Variants in LIMK2 observed in about 807,000 individuals in gnomAD.
LIMK2 encodes LIM domain kinase 2.
Under a neutral mutation model 75.7 loss-of-function variants are expected in LIMK2, and 35 were observed. The observed-to-expected ratio is 0.46, with a 90% CI of 0.35 to 0.61. LIMK2 has a LOEUF of 0.61. Among genes scored for constraint, LIMK2 ranks in the 20% least tolerant of loss-of-function variants. The pLI, the probability that LIMK2 is intolerant of heterozygous loss-of-function variation, is 0.00. For missense variants in LIMK2, 623 were observed against 831.0 expected, an observed-to-expected ratio of 0.75 and a Z score of 3.08; for synonymous variants, 301 against 319.2, an observed-to-expected ratio of 0.94 and a Z score of 0.61.
intron 2 of LIMK2, among the ~76,000 whole-genome samples, chr22:31,227,915 C>T (rs2048492786): frequency 6.6e-6 from 1 of 152,104 alleles, no homozygotes; most frequent in East Asian, 1.9e-4. Context: ...AGGCCTGAAA[C>T]CAAAAAGACT....
intron 7 of LIMK2, 62 bp from the exon 8 acceptor site, chr22:31,265,884 A>G: frequency 6.9e-7 from 1 of 1,451,538 alleles, no homozygotes; most frequent in Admixed American, 1.7e-5. Flanking sequence ...TCCTCCCTCC[A>G]GGGTTTCTTG....
At chr22:31,268,070 C>A in intron 10 of LIMK2, 74 bp from the exon 11 acceptor site, 1 of 1,535,248 alleles carries the variant, frequency 6.5e-7, no homozygotes, top group Non-Finnish European at 9.0e-7. Context: ...TGGGAGACCA[C>A]ATTGACCCAT....
chr22:31,273,398 G>A (rs984998721), intron 13 of LIMK2, 54 bp from the exon 14 acceptor site: 5 of 1,507,374 alleles, frequency 3.3e-6, no homozygotes, highest in Non-Finnish European at 3.7e-6. Flanking sequence ...TAGACCCAGT[G>A]CAGAGCAGGT....
Position 31,234,340 on chromosome 22 carries a change from AC to A in LIMK2, c.116+8522del, listed in dbSNP as rs752619425. Reference sequence around the variant, plus strand: ...AGGAGTGATCTTAAAAAAAAAAAAAACAAAAAAAAACTTGACTGTGTCACTC... The same window carrying A: ...AGGAGTGATCTTAAAAAAAAAAAAAAAAAAAAAAACTTGACTGTGTCACTC... On this transcript the variant is annotated intron_variant, in intron 2 of 15. Coordinates refer to ENST00000331728, the MANE Select transcript of LIMK2 (RefSeq NM_005569.4). Among the ~76,000 whole-genome samples the A allele has an allele frequency of 3.2e-4, 47 of 148,738 alleles. 1 individual carries two copies. The highest frequency in any genetic ancestry group is 8.6e-4 in the South Asian group (4 of 4,630).
intron 2 of LIMK2, among the ~76,000 whole-genome samples, chr22:31,236,624 AAG>A (rs1310714916): frequency 1.3e-5 from 2 of 150,698 alleles, no homozygotes; most frequent in African/African-American, 2.4e-5. Flanking sequence ...AAAAAAAAAA[AAG>A]AAACGAGCCA....
intron 15 of LIMK2, chr22:31,277,406 T>G (rs1319212011): frequency 1.7e-6 from 2 of 1,199,902 alleles, no homozygotes; most frequent in Non-Finnish European, 2.0e-6. Context: ...GGTACGCCTT[T>G]GGTGCAGCTC....
At position 31,251,191 on chromosome 22, in the gene LIMK2, C is replaced by T. The variant is rs550831347; in HGVS notation, c.117-7100C>T. Among the ~76,000 whole-genome samples the T allele has an allele frequency of 8.5e-5, 13 of 152,292 alleles. No homozygotes were observed. The East Asian group carries it at 2.3e-3, about 27-fold the overall frequency. ...ACAAAAGAGGTAAATTAGGGAGTGG[C>T]TTTTGTCGGACATCTTTAAAGCATT... is the stretch of plus-strand genomic sequence containing the variant. On this transcript the variant is annotated intron_variant, in intron 2 of 15. Transcript: ENST00000331728.
At chr22:31,238,429 A>G (rs921612592) in intron 2 of LIMK2, among the ~76,000 whole-genome samples, 1 of 152,204 alleles carries the variant, frequency 6.6e-6, no homozygotes, top group African/African-American at 2.4e-5. Context: ...TAGTACCTGT[A>G]TAGGGGATAT....
chr22:31,262,549 T>C lies in LIMK2; in HGVS notation c.658-46T>C. The C allele has an allele frequency of 6.4e-7, 1 of 1,562,846 alleles. No homozygotes were observed. Among genetic ancestry groups the C allele is most frequent in the Non-Finnish European group, 8.7e-7 (1 of 1,147,210 alleles). On this transcript the variant is annotated intron_variant, in intron 6 of 15. Coordinates refer to ENST00000331728, the MANE Select transcript of LIMK2 (RefSeq NM_005569.4). This position sits in a 1 kb window ranked among gnomAD's most constrained non-coding sequence, Gnocchi z 5.0. ...TCATCTGGGTTGGCCATGGGTGGCC[T>C]GGGATGGGGCAGCCTGTGGGAGCTT...
intron 7 of LIMK2, among the ~76,000 whole-genome samples, chr22:31,265,537 CAAAAA>C (rs777523692): frequency 9.4e-5 from 13 of 137,584 alleles, no homozygotes; most frequent in Non-Finnish European, 1.9e-4. Context: ...GACTCTGTCT[CAAAAA>C]AAAAAAATCC....
intron 1 of LIMK2, among the ~76,000 whole-genome samples, chr22:31,215,321 G>A (rs575025099): frequency 1.3e-5 from 2 of 152,250 alleles, no homozygotes; most frequent in African/African-American, 4.8e-5. Flanking sequence ...AGACACCTCA[G>A]ATTCCTCGTG....
At chr22:31,259,756 A>C in intron 4 of LIMK2, 133 bp from the exon 5 acceptor site, 2 of 698,058 alleles carry the variant, frequency 2.9e-6, no homozygotes, top group East Asian at 3.5e-5. Context: ...CTGAGCAGCC[A>C]GCTAGAATCA....
intron 2 of LIMK2, among the ~76,000 whole-genome samples, chr22:31,245,332 A>T (rs1310673578): frequency 6.6e-6 from 1 of 151,078 alleles, no homozygotes; most frequent in Non-Finnish European, 1.5e-5. Flanking sequence ...ACAGAGTTTC[A>T]CTCTTGTTGC....
chr22:31,265,617 C>G (rs77713854), intron 7 of LIMK2, among the ~76,000 whole-genome samples: 4,405 of 152,090 alleles, frequency 0.029, 72 homozygotes, highest in Middle Eastern at 0.051. Context: ...TTAAATCAAG[C>G]AGATATGGGA....
chr22:31,257,040 ATTTTT>A (rs529919320), intron 2 of LIMK2, among the ~76,000 whole-genome samples: 50 of 75,060 alleles, frequency 6.7e-4, no homozygotes, highest in East Asian at 8.2e-4. Context: ...GGAGCTATAG[ATTTTT>A]TTTTTTTTTT....
Position 31,225,747 on chromosome 22 carries a change from G to A in LIMK2, c.44G>A (p.Cys15Tyr). The A allele has an allele frequency of 6.2e-7, 1 of 1,614,102 alleles. No homozygotes were observed. Among genetic ancestry groups the A allele is most frequent in the Non-Finnish European group, 8.5e-7 (1 of 1,179,978 alleles). ...GAAGATGTCTGGAGGTGTCCAGGCT[G>A]TGGGGACCACATTGCTCCAAGCCAG... ...AGEDVWRCPG[C>Y]GDHIAPSQIW... Residue 15 changes from cysteine (C) to tyrosine (Y), a missense_variant, in exon 2 of 16, where the codon TGT (cysteine) becomes TAT (tyrosine). This residue lies in a region of LIMK2 where 514 missense variants were observed against 661.3 expected (regional missense o/e 0.78). Coordinates refer to ENST00000331728, the MANE Select transcript of LIMK2 (RefSeq NM_005569.4).
At chr22:31,248,918 G>T in intron 2 of LIMK2, 1 of 796,862 alleles carries the variant, frequency 1.3e-6, no homozygotes, top group Non-Finnish European at 2.1e-6. Context: ...AGGAGAATCG[G>T]CCTTGTGAGG....
intron 15 of LIMK2, chr22:31,277,187 C>G: frequency 6.2e-7 from 1 of 1,610,816 alleles, no homozygotes; most frequent in East Asian, 2.2e-5. Flanking sequence ...ACAATCGCTA[C>G]CCCCCGACCT....
chr22:31,260,130 G>A lies in LIMK2; in HGVS notation c.551+53G>A, dbSNP rs1475437974. On this transcript the variant is annotated intron_variant, in intron 5 of 15. Coordinates refer to ENST00000331728, the MANE Select transcript of LIMK2 (RefSeq NM_005569.4). ...GGGTTCTTGAGCAGAGTCTGTAAAT[G>A]GGCCTCAGAGGGCTTAGACCTCCAA... 2.1e-6 allele frequency: 3 copies of A among 1,412,790 alleles called. No individual in the cohort carries two copies. The African/African-American group carries it at 4.4e-5, about 21-fold the overall frequency. The allele number at this position is 1,412,790 out of a possible 1,614,324, so 87.5% of individuals were successfully genotyped here.
Sources: gnomAD v4.1 joint callset for allele counts (sites outside exome capture counted in the v4.1 genomes callset) on GRCh38, gnomAD v4.1.1 for gene constraint, gnomAD v4.1.1 regional missense constraint, Gnocchi (gnomAD v3.1) non-coding constraint, MANE v1.5 for transcripts, NCBI Gene and HGNC (gene_info 2026-07-23, HGNC 2026-07-21) for gene names.